The following ANKLE1 variants were observed in gnomAD, a reference collection of about 807,000 sequenced individuals.
ANKLE1 encodes the protein structure-specific endonuclease ANKLE1.
In ANKLE1, 59 loss-of-function variants were observed where a neutral mutation model predicts 56.2. The observed-to-expected ratio is 1.05, with a 90% CI of 0.85 to 1.30. The LOEUF (loss-of-function observed/expected upper bound fraction) is 1.30, where lower values mean the gene tolerates loss of function less well. Among genes scored for constraint, ANKLE1 ranks in the 50% most tolerant of loss-of-function variants. ANKLE1 has a pLI of 0.00. For missense variants in ANKLE1, 771 were observed against 816.1 expected (o/e 0.94, Z 0.67); for synonymous variants, 341 against 352.9 (o/e 0.97, Z 0.38).
chr19:17,282,911 G>T lies in ANKLE1; in HGVS notation c.369G>T (p.Glu123Asp). The T allele has an allele frequency of 6.4e-7, 1 of 1,573,656 alleles. No individual in the cohort carries two copies. Residue 123 changes from glutamate to aspartate, a missense_variant, in exon 4 of 9, where the codon GAG (glutamate) becomes GAT (aspartate). Coordinates refer to ENST00000404085, the MANE Select transcript of ANKLE1 (RefSeq NM_152363.6). ...LDLALQQGHLECARVLQDLDT... is the reference protein window; with the variant it reads ...LDLALQQGHLDCARVLQDLDT... ...TGGCCCTGCAGCAGGGACACCTGGAGTGCGCGCGAGTCCTGCAGGATCTCG... is the reference window on the plus strand; with the variant it reads ...TGGCCCTGCAGCAGGGACACCTGGATTGCGCGCGAGTCCTGCAGGATCTCG...
chr19:17,284,002 A>G, intron 5 of ANKLE1, 40 bp downstream of exon 5: 1 of 1,593,118 alleles, frequency 6.3e-7, no homozygotes, highest in Non-Finnish European at 8.6e-7. Context: ...GGGAGCCTCC[A>G]GGAATCTCCC....
At position 17,282,104 on chromosome 19, in the gene ANKLE1, T is replaced by C. The variant is rs945293318; in HGVS notation, c.110T>C (p.Leu37Pro). 3 of 1,541,562 alleles carry C rather than the reference T, an allele frequency of 1.9e-6. No homozygotes were observed. The highest frequency in any genetic ancestry group is 2.6e-6 in the Non-Finnish European group (3 of 1,146,648). The change falls in exon 2 of 9, where the codon CTA (leucine) becomes CCA (proline). Residue 37 changes from leucine to proline, a missense_variant. By Grantham distance (98) the Leu-to-Pro change is moderately conservative. Transcript: ENST00000404085. ...TGCGGCGCGGACCCTAATTTGGTGC[T>C]AGAGGACGGCGCAGCGGCTGTGCAC... Reference protein sequence around the residue: ...LRCGADPNLVLEDGAAAVHLA... With the variant: ...LRCGADPNLVPEDGAAAVHLA...
In ANKLE1 at chr19:17,285,474, G is replaced by A. The variant is rs758369458; in HGVS notation, c.1420G>A (p.Ala474Thr). The A allele has an allele frequency of 1.9e-6, 3 of 1,613,892 alleles. No individual in the cohort carries two copies. Among genetic ancestry groups the A allele is most frequent in the Non-Finnish European group, 2.5e-6 (3 of 1,179,882 alleles). ...AGCCCGAGCCTTCTCACTGACCCCAGCTGAGCGCCTTCAGACTTTCATCCG... is the reference window on the plus strand; with the variant it reads ...AGCCCGAGCCTTCTCACTGACCCCAACTGAGCGCCTTCAGACTTTCATCCG... ...LPARAFSLTP[A>T]ERLQTFIRAI... Residue 474 changes from alanine to threonine, a missense_variant, in exon 7 of 9, where the codon GCT (alanine) becomes ACT (threonine). Transcript: ENST00000404085.
In ANKLE1 at chr19:17,283,645, C is replaced by G. The variant is rs753954865; in HGVS notation, c.881C>G (p.Ser294Cys). 1.2e-5 allele frequency: 20 copies of G among 1,613,316 alleles called. 1 individual carries two copies. In the East Asian group the frequency reaches 4.2e-4, roughly 34 times the overall value. ...NAAGFQSSPS[S>C]MPLLDRSPAH... The stretch of plus-strand genomic sequence containing the variant: ...GCTGGCTTCCAGTCCTCCCCTTCCT[C>G]CATGCCTCTCCTGGACAGGAGTCCA... Residue 294 changes from serine to cysteine, a missense_variant, in exon 5 of 9, where the codon TCC (serine) becomes TGC (cysteine). Physicochemically the swap from Ser to Cys is moderately radical, Grantham distance 112 (BLOSUM62 -1). Coordinates refer to ENST00000404085, the MANE Select transcript of ANKLE1 (RefSeq NM_152363.6).
At position 17,285,667 on chromosome 19, in the gene ANKLE1, T is replaced by C. The variant is rs748574759; in HGVS notation, c.1537-14T>C. 6 of 1,613,958 alleles carry C rather than the reference T, an allele frequency of 3.7e-6. No individual in the cohort carries two copies. Among genetic ancestry groups the C allele is most frequent in the Non-Finnish European group, 5.1e-6 (6 of 1,179,876 alleles). On this transcript the variant is annotated splice_polypyrimidine_tract_variant and intron_variant, in intron 7 of 8. Coordinates refer to ENST00000404085, the MANE Select transcript of ANKLE1 (RefSeq NM_152363.6). ...GGAGGGTATTGGGGGTGCTGACTCC[T>C]GATTCTGCCCTAGCCCCACCAGGCC...
rs58535756 is a variant in ANKLE1 at position 17,286,647 on chromosome 19, G to GGTGTGTGT, written c.*132_*139dup. 1.5e-5 allele frequency: 22 copies of GGTGTGTGT among 1,429,178 alleles called. No individual in the cohort carries two copies. In the East Asian group the frequency reaches 2.1e-4, roughly 14 times the overall value. The allele number at this position is 1,429,178 out of a possible 1,614,324, so 88.5% of individuals were successfully genotyped here. ...AGCCCCCATCTCTGGTTTCAGAAGG[G>GGTGTGTGT]GTGTGTGTGTGTGTGTGTGTGTGTG... On this transcript the variant is annotated 3_prime_UTR_variant, in exon 9 of 9. Transcript: ENST00000404085.
chr19:17,284,021 C>T, intron 5 of ANKLE1, 59 bp downstream of exon 5: 4 of 1,599,656 alleles, frequency 2.5e-6, no homozygotes, highest in Non-Finnish European at 3.4e-6. Flanking sequence ...CCGGAGAACC[C>T]CAGCTCTCAG....
At position 17,286,671 on chromosome 19, in the gene ANKLE1, TGTGTGTGTGTGTGTGTG is replaced by T; in HGVS notation, c.*120_*136del. ...GGGTGTGTGTGTGTGTGTGTGTGTG[TGTGTGTGTGTGTGTGTG>T]TGTTTGTGTGTGTGTGTGTGTGTGT... On this transcript the variant is annotated 3_prime_UTR_variant, in exon 9 of 9. Transcript: ENST00000404085. The T allele has an allele frequency of 7.0e-7, 1 of 1,419,404 alleles. No individual in the cohort carries two copies. The highest frequency in any genetic ancestry group is 1.4e-5 in the South Asian group (1 of 73,470). 87.9% of individuals were successfully genotyped at this position (1,419,404 alleles called of 1,614,324 possible).
At chr19:17,286,287 C>A in intron 8 of ANKLE1, 93 bp from the exon 9 acceptor site, 1 of 1,470,764 alleles carries the variant, frequency 6.8e-7, no homozygotes, top group South Asian at 1.5e-5. Context: ...CAGGCGTGAG[C>A]CACCATACCC....
At chr19:17,282,408 A>G in intron 2 of ANKLE1, 199 bp downstream of exon 2, 1 of 909,964 alleles carries the variant, frequency 1.1e-6, no homozygotes, top group Non-Finnish European at 1.6e-6. Flanking sequence ...AGGGCGTGGA[A>G]TGGGGCTGCG....
chr19:17,284,839 C>T (rs2074014808), intron 6 of ANKLE1, among the ~76,000 whole-genome samples: 1 of 151,792 alleles, frequency 6.6e-6, no homozygotes, highest in Non-Finnish European at 1.5e-5. Flanking sequence ...GCATGTGCCA[C>T]CATGCCTGGC....
In ANKLE1 at chr19:17,283,463, A is replaced by G. The variant is rs758098382; in HGVS notation, c.699A>G (p.Pro233=). 6.2e-7 allele frequency: 1 copy of G among 1,612,974 alleles called. No individual in the cohort carries two copies. Among genetic ancestry groups the G allele is most frequent in the Non-Finnish European group, 8.5e-7 (1 of 1,179,416 alleles). ...TTGAGGTCTCTGGAGCTGAGGACCCAGCCTCGGACACTCCCCCCTGGGCTG... is the reference window on the plus strand; with the variant it reads ...TTGAGGTCTCTGGAGCTGAGGACCCGGCCTCGGACACTCCCCCCTGGGCTG... ...TAVEVSGAED[P]ASDTPPWAGS... The change falls in exon 5 of 9, where the codon CCA becomes CCG. Residue 233 remains proline (P), a synonymous_variant. Transcript: ENST00000404085.
chr19:17,283,183 A>G (rs1337726813), intron 4 of ANKLE1, 42 bp from the exon 5 acceptor site: 1 of 1,576,822 alleles, frequency 6.3e-7, no homozygotes, highest in Non-Finnish European at 8.6e-7. Context: ...TCGCTGTCTC[A>G]TCCCTCCTCC....
rs137870697 is a variant in ANKLE1 at position 17,286,544 on chromosome 19, C to T, written c.1840C>T (p.Arg614Trp). 4.5e-4 allele frequency: 720 copies of T among 1,605,152 alleles called. 1 individual carries two copies. Among genetic ancestry groups the T allele is most frequent in the Non-Finnish European group, 4.6e-4 (544 of 1,176,496 alleles). The stretch of plus-strand genomic sequence containing the variant: ...GCTTCATCCCCAGGACATCCAGGCC[C>T]GGGGCTGAGTGCTGGGGAGTTGGCC... ...RQLHPQDIQARG is the reference protein window; with the variant it reads ...RQLHPQDIQAWG Residue 614 changes from arginine (R) to tryptophan (W), a missense_variant, in exon 9 of 9, where the codon CGG (arginine) becomes TGG (tryptophan). Coordinates refer to ENST00000404085, the MANE Select transcript of ANKLE1 (RefSeq NM_152363.6).
intron 6 of ANKLE1, among the ~76,000 whole-genome samples, chr19:17,284,678 C>T (rs1416581975): frequency 2.4e-5 from 3 of 124,428 alleles, no homozygotes; most frequent in African/African-American, 6.1e-5. Flanking sequence ...GCCACCGCAC[C>T]GGCCTCTTTT....
chr19:17,282,283 C>G lies in ANKLE1; in HGVS notation c.215+74C>G, dbSNP rs2073981802. 3.1e-6 allele frequency: 4 copies of G among 1,307,386 alleles called. No homozygotes were observed. In the South Asian group the frequency reaches 6.2e-5, roughly 20 times the overall value. 81.0% of individuals were successfully genotyped at this position (1,307,386 alleles called of 1,614,324 possible). A position where few individuals can be genotyped will look rare whatever the true frequency, so the allele number is the denominator to read the frequency against. The stretch of plus-strand genomic sequence containing the variant: ...GGGAATCCGGGAAGGGGCGCCCCAT[C>G]ATCCCGGGCCAGGCCTCGGGGCTCG... On this transcript the variant is annotated intron_variant, in intron 2 of 8. Transcript: ENST00000404085.
rs554113904 is a variant in ANKLE1 at position 17,285,108 on chromosome 19, A to T, written c.1377-323A>T. 4.6e-5 allele frequency among the ~76,000 whole-genome samples: 7 copies of T among 152,192 alleles called. No individual in the cohort carries two copies. The South Asian group carries it at 1.4e-3, about 32-fold the overall frequency. ...AACCCCATTTCTACTAAAAATACAA[A>T]ATTAGCCAGGTGTGTTGGTGCATGC... On this transcript the variant is annotated intron_variant, in intron 6 of 8. Transcript: ENST00000404085.
Position 17,283,689 on chromosome 19 carries a change from A to G in ANKLE1, c.925A>G (p.Thr309Ala). 6.2e-7 allele frequency: 1 copy of G among 1,613,416 alleles called. No individual in the cohort carries two copies. The highest frequency in any genetic ancestry group is 8.5e-7 in the Non-Finnish European group (1 of 1,179,832). The change falls in exon 5 of 9, where the codon ACA becomes GCA. Residue 309 changes from threonine to alanine, a missense_variant. Thr to Ala is a moderately conservative substitution (Grantham distance 58). Transcript: ENST00000404085. ...GAGTCCAGCTCATAGCCCCCCACGG[A>G]CACCAACCCCTGGAGCTTCTGACTG... The part of the protein sequence containing the change: ...DRSPAHSPPR[T>A]PTPGASDCHC...
chr19:17,285,875 T>G (rs1255576510), intron 8 of ANKLE1, 56 bp downstream of exon 8: 73 of 1,599,060 alleles, frequency 4.6e-5, no homozygotes, highest in Non-Finnish European at 6.0e-5. Context: ...GCTTCCCAGT[T>G]CCCTCATTTT....
Sources: gnomAD v4.1 joint callset for allele counts (sites outside exome capture counted in the v4.1 genomes callset) on GRCh38, gnomAD v4.1.1 for gene constraint, MANE v1.5 for transcripts, NCBI Gene and HGNC (gene_info 2026-07-23, HGNC 2026-07-21) for gene names.